TENM4: variants seen among roughly 807,000 people sequenced by gnomAD.
The protein encoded by TENM4 is teneurin-4.
A neutral mutation model predicts 243.3 loss-of-function variants in TENM4; 82 were observed. The ratio of observed to expected loss-of-function variants is 0.34; its 90% CI spans 0.28 to 0.40. TENM4 has a LOEUF of 0.40. TENM4 is among the 10% of genes least tolerant of loss of function. The pLI, the probability that TENM4 is intolerant of heterozygous loss-of-function variation, is 1.00. For missense variants in TENM4, 3,138 were observed against 3,673.3 expected (o/e 0.85, Z 3.77); for synonymous variants, 1,412 against 1,456.3 (o/e 0.97, Z 0.69).
At chr11:78,868,477 G>A (rs1859042574) in intron 9 of TENM4, among the ~76,000 whole-genome samples, 1 of 152,210 alleles carries the variant, frequency 6.6e-6, no homozygotes, top group Non-Finnish European at 1.5e-5. Context: ...GGTGGGGGAA[G>A]TTCTGATTCT....
chr11:78,789,237 G>T (rs1451098126), intron 15 of TENM4, among the ~76,000 whole-genome samples: 1 of 152,198 alleles, frequency 6.6e-6, no homozygotes. Flanking sequence ...CACTTAGCCT[G>T]GCTGAAAAGT....
At chr11:79,178,127 G>A (rs148132884) in intron 3 of TENM4, among the ~76,000 whole-genome samples, 1 of 152,134 alleles carries the variant, frequency 6.6e-6, no homozygotes, top group Non-Finnish European at 1.5e-5. Context: ...TTGGATGTGG[G>A]ATGTGAGAGA....
intron 15 of TENM4, among the ~76,000 whole-genome samples, chr11:78,802,808 C>A (rs1361426754): frequency 6.6e-6 from 1 of 152,176 alleles, no homozygotes; most frequent in African/African-American, 2.4e-5. Flanking sequence ...TTTAAAGCTG[C>A]CTTTTATATT....
At chr11:79,339,664 T>C (rs1857210261) in intron 1 of TENM4, among the ~76,000 whole-genome samples, 1 of 151,422 alleles carries the variant, frequency 6.6e-6, no homozygotes. Context: ...GTGATAGCTA[T>C]AATCCTAGGG....
At chr11:79,122,006 T>C (rs1351170446) in intron 4 of TENM4, among the ~76,000 whole-genome samples, 2 of 152,206 alleles carry the variant, frequency 1.3e-5, no homozygotes, top group Non-Finnish European at 2.9e-5. Context: ...ATAACCACTT[T>C]TTGTTTCCCC....
At chr11:79,427,202 C>A (rs1590959103) in intron 1 of TENM4, among the ~76,000 whole-genome samples, 2 of 152,186 alleles carry the variant, frequency 1.3e-5, no homozygotes, top group East Asian at 3.8e-4. Context: ...CATGCTTCCA[C>A]AGGCCCATCA....
At chr11:79,385,433 A>G (rs1027760268) in intron 1 of TENM4, among the ~76,000 whole-genome samples, 22 of 152,234 alleles carry the variant, frequency 1.4e-4, no homozygotes, top group African/African-American at 5.3e-4. Context: ...AAGCTAGGTT[A>G]TTAAACCCTC....
chr11:79,026,565 C>A (rs1859085149), intron 6 of TENM4, among the ~76,000 whole-genome samples: 1 of 152,188 alleles, frequency 6.6e-6, no homozygotes, highest in African/African-American at 2.4e-5. Flanking sequence ...AGAACCTAAT[C>A]AGTGGTGTTA....
At chr11:79,330,400 T>C (rs1857043034) in intron 1 of TENM4, among the ~76,000 whole-genome samples, 1 of 152,152 alleles carries the variant, frequency 6.6e-6, no homozygotes, top group South Asian at 2.1e-4. Context: ...TCTAGAATCC[T>C]GAAAGGCAGG....
intron 3 of TENM4, among the ~76,000 whole-genome samples, chr11:79,162,845 T>C (rs1862781218): frequency 6.6e-6 from 1 of 152,202 alleles, no homozygotes; most frequent in Non-Finnish European, 1.5e-5. Flanking sequence ...GTTCATCTGC[T>C]GCACAGCATG....
intron 2 of TENM4, among the ~76,000 whole-genome samples, chr11:79,296,093 T>C (rs187530186): frequency 6.6e-6 from 1 of 152,282 alleles, no homozygotes; most frequent in East Asian, 1.9e-4. Flanking sequence ...CTGAGGTCAT[T>C]CGTGCACCTT....
At chr11:79,299,433 T>C (rs926848084) in intron 1 of TENM4, among the ~76,000 whole-genome samples, 4 of 152,190 alleles carry the variant, frequency 2.6e-5, no homozygotes, top group African/African-American at 9.7e-5. Flanking sequence ...ACCCCAGATA[T>C]GCAATTCTGT....
intron 6 of TENM4, among the ~76,000 whole-genome samples, chr11:78,962,431 C>A: frequency 7.7e-6 from 1 of 130,606 alleles, no homozygotes; most frequent in Non-Finnish European, 1.6e-5. Flanking sequence ...GGGGAGGGAG[C>A]AAAATAAAAC....
intron 6 of TENM4, among the ~76,000 whole-genome samples, chr11:79,019,639 A>C (rs1858873369): frequency 6.6e-6 from 1 of 152,158 alleles, no homozygotes; most frequent in African/African-American, 2.4e-5. Flanking sequence ...TTCATCACCC[A>C]CTATGCACTG....
At chr11:78,892,333 T>C (rs969773208) in intron 7 of TENM4, among the ~76,000 whole-genome samples, 7 of 152,210 alleles carry the variant, frequency 4.6e-5, no homozygotes, top group African/African-American at 1.7e-4. Context: ...AATCCAGTGG[T>C]GGCTTCAGCC....
intron 15 of TENM4, among the ~76,000 whole-genome samples, chr11:78,792,609 C>T (rs1233846115): frequency 6.6e-6 from 1 of 152,134 alleles, no homozygotes; most frequent in Non-Finnish European, 1.5e-5. Context: ...TCAATGTGGT[C>T]CCCTGGCACT....
chr11:79,036,442 G>A (rs752605122), intron 6 of TENM4, among the ~76,000 whole-genome samples: 3 of 152,194 alleles, frequency 2.0e-5, no homozygotes, highest in Admixed American at 6.5e-5. Context: ...AAGGGAACTC[G>A]GTGTTCAGGC....
At chr11:79,359,753 T>C (rs1417383575) in intron 1 of TENM4, among the ~76,000 whole-genome samples, 1 of 152,096 alleles carries the variant, frequency 6.6e-6, no homozygotes, top group Non-Finnish European at 1.5e-5. Flanking sequence ...CTTTTAAAAG[T>C]TACATCTTGT....
At chr11:78,795,312 A>G (rs1857139611) in intron 15 of TENM4, among the ~76,000 whole-genome samples, 1 of 152,146 alleles carries the variant, frequency 6.6e-6, no homozygotes, top group South Asian at 2.1e-4. Flanking sequence ...CACAGGAAAC[A>G]TGTCTTCTGA....
Sources: allele counts gnomAD v4.1 joint callset (sites outside exome capture counted in the v4.1 genomes callset), GRCh38; gene constraint gnomAD v4.1.1; transcripts MANE v1.5; gene names NCBI Gene and HGNC (gene_info 2026-07-23, HGNC 2026-07-21).